Variants in SOX5 observed in about 807,000 individuals in gnomAD.
SOX5 encodes transcription factor SOX-5.
In SOX5, 9 loss-of-function variants were observed where a neutral mutation model predicts 92.0. That is an observed-to-expected ratio of 0.10 (90% CI 0.06 to 0.17). The LOEUF is 0.17. Among genes scored for constraint, SOX5 ranks in the 10% least tolerant of loss-of-function variants. The pLI, the probability that SOX5 is intolerant of heterozygous loss-of-function variation, is 1.00. For synonymous variants in SOX5, 344 were observed against 336.3 expected (o/e 1.02, Z -0.25); for missense variants, 642 against 944.5 (o/e 0.68, Z 4.20).
At chr12:23,854,085 T>G (rs1353242745) in intron 2 of SOX5, among the ~76,000 whole-genome samples, 1 of 152,176 alleles carries the variant, frequency 6.6e-6, no homozygotes, top group South Asian at 2.1e-4. Flanking sequence ...AAGGAAGAAA[T>G]AAGATATAAG....
chr12:24,281,958 ATG>A (rs1945258608), intron 2 of SOX5, among the ~76,000 whole-genome samples: 1 of 114,476 alleles, frequency 8.7e-6, no homozygotes, highest in Non-Finnish European at 1.9e-5. Flanking sequence ...GTGTTCCTCG[ATG>A]CGATTTCCGG....
chr12:23,540,778 A>G (rs777086105), intron 13 of SOX5, among the ~76,000 whole-genome samples: 13 of 152,320 alleles, frequency 8.5e-5, no homozygotes, highest in Non-Finnish European at 1.8e-4. Context: ...TAAAATGTCA[A>G]CTACGATCCC....
chr12:23,604,654 C>A (rs1431818056), intron 8 of SOX5, 121 bp from the exon 9 acceptor site: 2 of 881,664 alleles, frequency 2.3e-6, no homozygotes, highest in South Asian at 1.8e-5. Context: ...GTTTAGTGCA[C>A]TGGAATATTT....
At chr12:24,233,580 G>C (rs1963850636) in intron 3 of SOX5, among the ~76,000 whole-genome samples, 1 of 152,206 alleles carries the variant, frequency 6.6e-6, no homozygotes, top group African/African-American at 2.4e-5. Flanking sequence ...CGAACTTTAA[G>C]TTAGCTTTGG....
At chr12:24,321,122 T>C (rs754912009) in intron 2 of SOX5, among the ~76,000 whole-genome samples, 21 of 152,160 alleles carry the variant, frequency 1.4e-4, no homozygotes, top group Non-Finnish European at 2.5e-4. Flanking sequence ...CCAGGGTTAA[T>C]GCTGTAGTCT....
intron 3 of SOX5, among the ~76,000 whole-genome samples, chr12:24,224,078 G>A (rs1368945281): frequency 6.6e-6 from 1 of 152,188 alleles, no homozygotes; most frequent in Non-Finnish European, 1.5e-5. Context: ...TTGTTGTTTC[G>A]CTGGAAGGAC....
intron 3 of SOX5, among the ~76,000 whole-genome samples, chr12:23,840,990 T>A (rs2096506817): frequency 6.6e-6 from 1 of 152,076 alleles, no homozygotes; most frequent in Non-Finnish European, 1.5e-5. Flanking sequence ...ATAATTAGAT[T>A]TTATTAAAAT....
chr12:24,473,246 C>G lies in SOX5; in HGVS notation c.-251+89083G>C, dbSNP rs914183607. On this transcript the variant is annotated intron_variant, in intron 1 of 4. Transcript: ENST00000446891. The stretch of plus-strand genomic sequence containing the variant: ...ACTGGTAAATGTTTAGCAATCAACT[C>G]TCTCCAAGAGGAAAAAAAAAAGCTC... 2.6e-5 allele frequency among the ~76,000 whole-genome samples: 4 copies of G among 152,070 alleles called. No homozygotes were observed. In the South Asian group the frequency reaches 8.3e-4, roughly 31 times the overall value.
At chr12:24,337,801 C>T (rs1206934704) in intron 2 of SOX5, among the ~76,000 whole-genome samples, 3 of 152,208 alleles carry the variant, frequency 2.0e-5, no homozygotes, top group East Asian at 3.9e-4. Context: ...GGCACTGAAA[C>T]GTTTTCAATA....
At chr12:23,690,118 C>G (rs1007342619) in intron 6 of SOX5, among the ~76,000 whole-genome samples, 28 of 152,204 alleles carry the variant, frequency 1.8e-4, no homozygotes, top group African/African-American at 6.3e-4. Flanking sequence ...TCAGGCCTCA[C>G]TTTCTCCAGC....
intron 9 of SOX5, among the ~76,000 whole-genome samples, chr12:23,594,958 C>T (rs934591127): frequency 6.6e-6 from 1 of 152,136 alleles, no homozygotes; most frequent in African/African-American, 2.4e-5. Flanking sequence ...AGAAGATTCC[C>T]TTTCTTGTCC....
At chr12:23,961,149 G>C (rs1403732914) in intron 4 of SOX5, among the ~76,000 whole-genome samples, 1 of 152,026 alleles carries the variant, frequency 6.6e-6, no homozygotes, top group Non-Finnish European at 1.5e-5. Flanking sequence ...TATTTCACCT[G>C]TTAGAATGAC....
chr12:23,608,460 A>G (rs1566283711), intron 8 of SOX5, among the ~76,000 whole-genome samples: 1 of 152,164 alleles, frequency 6.6e-6, no homozygotes. Flanking sequence ...GTTCATAAAT[A>G]TGTTTTTACA....
chr12:23,594,748 CTCTT>C (rs768512093), intron 9 of SOX5, among the ~76,000 whole-genome samples: 15 of 152,108 alleles, frequency 9.9e-5, no homozygotes, highest in African/African-American at 3.6e-4. Context: ...CCCAACCTGA[CTCTT>C]TATCATTCTC....
At chr12:23,986,230 G>A (rs1241228664) in intron 4 of SOX5, among the ~76,000 whole-genome samples, 2 of 152,010 alleles carry the variant, frequency 1.3e-5, no homozygotes, top group African/African-American at 4.8e-5. Flanking sequence ...AACTGGCATT[G>A]TAAACTGTAG....
At chr12:24,516,345 G>A (rs1949786173) in intron 1 of SOX5, among the ~76,000 whole-genome samples, 1 of 152,190 alleles carries the variant, frequency 6.6e-6, no homozygotes, top group East Asian at 1.9e-4. Context: ...ATTGCACCCA[G>A]CCAACCATGT....
At chr12:24,202,275 A>G (rs1485170350) in intron 4 of SOX5, among the ~76,000 whole-genome samples, 1 of 152,212 alleles carries the variant, frequency 6.6e-6, no homozygotes, top group East Asian at 1.9e-4. Context: ...ATAGCAATGG[A>G]TAATAAAGAT....
At chr12:23,706,025 A>T (rs928715877) in intron 6 of SOX5, among the ~76,000 whole-genome samples, 6 of 151,248 alleles carry the variant, frequency 4.0e-5, no homozygotes, top group Non-Finnish European at 7.4e-5. Context: ...TCTCACCACT[A>T]TTTGCTTTTT....
At chr12:23,546,761 T>A (rs2136081328) in intron 11 of SOX5, among the ~76,000 whole-genome samples, 1 of 152,310 alleles carries the variant, frequency 6.6e-6, no homozygotes, top group East Asian at 1.9e-4. Context: ...TTGGAATGTC[T>A]GCTTTATTTT....
Sources: allele counts gnomAD v4.1 joint callset (sites outside exome capture counted in the v4.1 genomes callset), GRCh38; gene constraint gnomAD v4.1.1; transcripts MANE v1.5; gene names NCBI Gene and HGNC (gene_info 2026-07-23, HGNC 2026-07-21).